The following STK32B variants were observed in gnomAD, a reference collection of about 807,000 sequenced individuals.
STK32B encodes the protein serine/threonine kinase 32B.
A neutral mutation model predicts 52.6 loss-of-function variants in STK32B; 43 were observed. The ratio of observed to expected loss-of-function variants is 0.82; its 90% CI spans 0.64 to 1.05. STK32B has a LOEUF of 1.05. Among genes scored for constraint, STK32B ranks in the 50% least tolerant of loss-of-function variants. The pLI is 0.00. For synonymous variants in STK32B, 238 were observed against 204.3 expected, an observed-to-expected ratio of 1.17 and a Z score of -1.41; for missense variants, 621 against 534.6, an observed-to-expected ratio of 1.16 and a Z score of -1.59.
At chr4:5,261,410 T>C (rs1380951851) in intron 3 of STK32B, among the ~76,000 whole-genome samples, 1 of 152,200 alleles carries the variant, frequency 6.6e-6, no homozygotes, top group African/African-American at 2.4e-5. Flanking sequence ...TGAATGGTGT[T>C]GAGGCCCTTA....
intron 3 of STK32B, among the ~76,000 whole-genome samples, chr4:5,244,389 G>A (rs1478030536): frequency 2.0e-5 from 3 of 152,214 alleles, no homozygotes; most frequent in Middle Eastern, 3.4e-3. Flanking sequence ...ATTCTCTGAT[G>A]GTAGTTTGTA....
intron 8 of STK32B, among the ~76,000 whole-genome samples, chr4:5,457,907 TGGAGGGAGAGAGGAAGGAAGGAGGGAG>T (rs1350158928): frequency 8.7e-6 from 1 of 114,642 alleles, no homozygotes; most frequent in Non-Finnish European, 1.8e-5. Context: ...GAGGGAGGGA[TGGAGGGAGAGAGGAAGGAAGGAGGGAG>T]GGAGGGAAGG....
chr4:5,258,308 T>C (rs1726470216), intron 3 of STK32B, among the ~76,000 whole-genome samples: 1 of 152,124 alleles, frequency 6.6e-6, no homozygotes, highest in Admixed American at 6.6e-5. Context: ...TTACAGTACA[T>C]TGGGGTGATA....
chr4:5,244,710 A>G (rs1403487628), intron 3 of STK32B, among the ~76,000 whole-genome samples: 1 of 152,076 alleles, frequency 6.6e-6, no homozygotes, highest in Non-Finnish European at 1.5e-5. Context: ...TCTTGTGGGC[A>G]TTTACTGCTA....
intron 3 of STK32B, among the ~76,000 whole-genome samples, chr4:5,202,473 C>T (rs1722227526): frequency 6.6e-6 from 1 of 152,220 alleles, no homozygotes; most frequent in African/African-American, 2.4e-5. Flanking sequence ...GGAAAGTGGC[C>T]CTTTCTCACA....
intron 3 of STK32B, among the ~76,000 whole-genome samples, chr4:5,213,393 G>A (rs1723013060): frequency 1.3e-5 from 2 of 152,188 alleles, no homozygotes; most frequent in Admixed American, 6.5e-5. Flanking sequence ...TGCCCCACTT[G>A]TTCAAAGCCA....
At chr4:5,247,394 G>A (rs1175247905) in intron 3 of STK32B, among the ~76,000 whole-genome samples, 2 of 152,232 alleles carry the variant, frequency 1.3e-5, no homozygotes, top group African/African-American at 2.4e-5. Flanking sequence ...ATAATCTCCT[G>A]GTGTACCGTT....
intron 1 of STK32B, among the ~76,000 whole-genome samples, chr4:5,116,044 G>A (rs1714695575): frequency 2.0e-5 from 3 of 152,074 alleles, no homozygotes; most frequent in Non-Finnish European, 4.4e-5. Flanking sequence ...CCTTCCTTAA[G>A]TGGGAGAGAC....
At chr4:5,346,707 G>A (rs1733485744) in intron 4 of STK32B, among the ~76,000 whole-genome samples, 1 of 152,168 alleles carries the variant, frequency 6.6e-6, no homozygotes, top group Non-Finnish European at 1.5e-5. Context: ...AAGGAGGAGT[G>A]CTCACCTCCC....
At chr4:5,382,170 A>G (rs910743258) in intron 4 of STK32B, among the ~76,000 whole-genome samples, 8 of 152,142 alleles carry the variant, frequency 5.3e-5, no homozygotes, top group African/African-American at 1.7e-4. Context: ...TTACCCAAAA[A>G]TACTCCCACT....
At chr4:5,305,962 C>T (rs974767427) in intron 3 of STK32B, among the ~76,000 whole-genome samples, 5 of 152,082 alleles carry the variant, frequency 3.3e-5, no homozygotes, top group African/African-American at 1.2e-4. Flanking sequence ...CATTGTTGAT[C>T]CAGTGATCAT....
intron 1 of STK32B, among the ~76,000 whole-genome samples, chr4:5,114,406 C>G (rs757438424): frequency 1.3e-5 from 2 of 151,982 alleles, no homozygotes; most frequent in Non-Finnish European, 2.9e-5. Flanking sequence ...CTCCAAATCA[C>G]AGGTGAAATT....
intron 7 of STK32B, among the ~76,000 whole-genome samples, chr4:5,449,462 G>A (rs965378173): frequency 1.3e-5 from 2 of 152,344 alleles, no homozygotes; most frequent in African/African-American, 4.8e-5. Flanking sequence ...AGGGACCCAG[G>A]AAAACAGCTG....
chr4:5,261,751 A>G (rs1478398122), intron 3 of STK32B, among the ~76,000 whole-genome samples: 2 of 152,226 alleles, frequency 1.3e-5, no homozygotes, highest in Middle Eastern at 3.4e-3. Context: ...TATTATTGTT[A>G]TTATTATTAC....
In STK32B at chr4:5,317,486, A is replaced by G. The variant is rs1344631907; in HGVS notation, c.261-13734A>G. On this transcript the variant is annotated intron_variant, in intron 3 of 11. Transcript: ENST00000282908. Reference sequence around the variant, plus strand: ...TATATGTATAATATATATATTACATATATATAATATATATTATATATGTAT... The same window carrying G: ...TATATGTATAATATATATATTACATGTATATAATATATATTATATATGTAT... 3.4e-5 allele frequency among the ~76,000 whole-genome samples: 2 copies of G among 59,382 alleles called. 1 individual carries two copies. The highest frequency in any genetic ancestry group is 1.9e-4 in the African/African-American group (2 of 10,662). The allele number at this position is 59,382 out of a possible 152,430, so 39.0% of individuals were successfully genotyped here.
chr4:5,446,863 G>T (rs1420752508), intron 7 of STK32B, 87 bp downstream of exon 7: 1 of 1,360,994 alleles, frequency 7.3e-7, no homozygotes, highest in East Asian at 2.4e-5. Flanking sequence ...GGCAGGGCCC[G>T]CGGTGCAGGA....
chr4:5,327,760 A>G (rs1298233067), intron 3 of STK32B, among the ~76,000 whole-genome samples: 1 of 152,204 alleles, frequency 6.6e-6, no homozygotes, highest in Non-Finnish European at 1.5e-5. Flanking sequence ...CAGCTGCTAA[A>G]ACAAGAGAGC....
intron 11 of STK32B, among the ~76,000 whole-genome samples, chr4:5,489,665 G>T (rs997079195): frequency 4.0e-5 from 6 of 151,148 alleles, no homozygotes; most frequent in Admixed American, 1.3e-4. Context: ...TTTCTCACCA[G>T]GCTGGAGTGC....
At chr4:5,384,484 G>T (rs1433049591) in intron 4 of STK32B, among the ~76,000 whole-genome samples, 1 of 152,154 alleles carries the variant, frequency 6.6e-6, no homozygotes, top group South Asian at 2.1e-4. Context: ...TCCCAGGGTT[G>T]GGGCAGGTCA....
Sources: gnomAD v4.1 joint callset for allele counts (sites outside exome capture counted in the v4.1 genomes callset) on GRCh38, gnomAD v4.1.1 for gene constraint, MANE v1.5 for transcripts, NCBI Gene and HGNC (gene_info 2026-07-23, HGNC 2026-07-21) for gene names.